CNTN5: variants seen among roughly 807,000 people sequenced by gnomAD.
CNTN5 encodes contactin 5.
In CNTN5, 77 loss-of-function variants were observed where a neutral mutation model predicts 129.1. That is an observed-to-expected ratio of 0.60 (90% CI 0.50 to 0.72). CNTN5 has a LOEUF of 0.72. CNTN5 is among the 30% of genes least tolerant of loss of function. CNTN5 has a pLI of 0.00. For missense variants in CNTN5, 1,478 were observed against 1,328.8 expected (o/e 1.11, Z -1.75); for synonymous variants, 509 against 465.6 (o/e 1.09, Z -1.20).
intron 2 of CNTN5, among the ~76,000 whole-genome samples, chr11:99,513,326 T>C (rs141392810): frequency 6.6e-6 from 1 of 152,194 alleles, no homozygotes; most frequent in African/African-American, 2.4e-5. Flanking sequence ...AAGTGCACGG[T>C]GAAACAGCAA....
intron 1 of CNTN5, among the ~76,000 whole-genome samples, chr11:99,050,642 G>A (rs187473377): frequency 1.3e-5 from 2 of 151,636 alleles, no homozygotes; most frequent in East Asian, 3.9e-4. Flanking sequence ...CTCTTTAATG[G>A]TAACCGAATA....
At position 99,439,648 on chromosome 11, in the gene CNTN5, C is replaced by T. The variant is rs1193304808; in HGVS notation, c.-71+114164C>T. On this transcript the variant is annotated intron_variant, in intron 2 of 24. Coordinates refer to ENST00000524871, the MANE Select transcript of CNTN5 (RefSeq NM_014361.4). ...GCTTGAACCCGGAAGGCGGAGGTTG[C>T]AGTGAGCCAAGATTGCGCCACTGCA... 7.5e-5 allele frequency among the ~76,000 whole-genome samples: 10 copies of T among 133,484 alleles called. 1 individual carries two copies. Among genetic ancestry groups the T allele is most frequent in the Admixed American group, 5.3e-4 (6 of 11,428 alleles). 87.6% of individuals were successfully genotyped at this position (133,484 alleles called of 152,430 possible).
At chr11:99,681,955 C>T (rs947025996) in intron 3 of CNTN5, among the ~76,000 whole-genome samples, 3 of 151,862 alleles carry the variant, frequency 2.0e-5, no homozygotes, top group African/African-American at 7.3e-5. Context: ...AGGAATAACT[C>T]ACAAAGCAAG....
At chr11:99,497,131 A>T (rs745858269) in intron 2 of CNTN5, among the ~76,000 whole-genome samples, 2 of 152,222 alleles carry the variant, frequency 1.3e-5, no homozygotes, top group Non-Finnish European at 2.9e-5. Context: ...AAAGCATTCT[A>T]AAAAAGAAGT....
intron 13 of CNTN5, among the ~76,000 whole-genome samples, chr11:100,100,214 T>C (rs1472588141): frequency 1.3e-5 from 2 of 152,130 alleles, no homozygotes; most frequent in Non-Finnish European, 2.9e-5. Context: ...TGAAGTGCTT[T>C]TGTTTGAGGC....
chr11:99,158,229 C>CCTT (rs1307535418), intron 1 of CNTN5, among the ~76,000 whole-genome samples: 2 of 152,128 alleles, frequency 1.3e-5, no homozygotes, highest in African/African-American at 4.8e-5. Context: ...ACATTCCGCT[C>CCTT]CTGAACTTAC....
At chr11:99,219,824 G>C (rs1860312280) in intron 1 of CNTN5, among the ~76,000 whole-genome samples, 1 of 151,916 alleles carries the variant, frequency 6.6e-6, no homozygotes, top group Non-Finnish European at 1.5e-5. Context: ...ATTACGGCAG[G>C]AATCGAGATG....
chr11:99,797,976 C>T (rs1301841), intron 3 of CNTN5, among the ~76,000 whole-genome samples: 12 of 151,832 alleles, frequency 7.9e-5, no homozygotes, highest in Non-Finnish European at 1.2e-4. Context: ...TTTTATTTTA[C>T]GTTCAAGGAT....
chr11:100,270,784 A>C (rs536400848), intron 17 of CNTN5, among the ~76,000 whole-genome samples: 1 of 152,230 alleles, frequency 6.6e-6, no homozygotes, highest in Non-Finnish European at 1.5e-5. Context: ...TTATAGTTCT[A>C]ATTGGCCCCT....
chr11:99,354,845 A>G (rs1277563904), intron 2 of CNTN5, among the ~76,000 whole-genome samples: 1 of 152,194 alleles, frequency 6.6e-6, no homozygotes, highest in Non-Finnish European at 1.5e-5. Flanking sequence ...GCTGTACATC[A>G]CACAAAGTAA....
intron 9 of CNTN5, among the ~76,000 whole-genome samples, chr11:100,010,653 C>T (rs543969817): frequency 2.6e-5 from 4 of 152,176 alleles, no homozygotes; most frequent in African/African-American, 9.6e-5. Flanking sequence ...GCCCCAGTAC[C>T]ACAAAGCCTA....
At chr11:99,800,200 T>C (rs1329766971) in intron 3 of CNTN5, among the ~76,000 whole-genome samples, 1 of 152,152 alleles carries the variant, frequency 6.6e-6, no homozygotes, top group African/African-American at 2.4e-5. Flanking sequence ...TTTATATTTC[T>C]GCTTTAATTT....
At chr11:99,801,039 G>T (rs1946098338) in intron 3 of CNTN5, among the ~76,000 whole-genome samples, 1 of 152,104 alleles carries the variant, frequency 6.6e-6, no homozygotes, top group African/African-American at 2.4e-5. Context: ...GTACTTAAGT[G>T]TGCTTCTGCA....
chr11:99,315,614 G>T (rs180719308), intron 1 of CNTN5, among the ~76,000 whole-genome samples: 1 of 149,386 alleles, frequency 6.7e-6, no homozygotes, highest in African/African-American at 2.4e-5. Context: ...GTTTTATTTC[G>T]CTTTAGCCAA....
intron 2 of CNTN5, among the ~76,000 whole-genome samples, chr11:99,364,756 A>T (rs1482356408): frequency 6.6e-6 from 1 of 152,062 alleles, no homozygotes; most frequent in Non-Finnish European, 1.5e-5. Flanking sequence ...GCTGGAGGAG[A>T]AATGGAGAAG....
At chr11:99,242,611 GT>G (rs1187237425) in intron 1 of CNTN5, among the ~76,000 whole-genome samples, 1 of 152,046 alleles carries the variant, frequency 6.6e-6, no homozygotes, top group African/African-American at 2.4e-5. Context: ...GTACACGATA[GT>G]TTTTCAGTTC....
At chr11:99,715,390 ACT>A (rs536265879) in intron 3 of CNTN5, among the ~76,000 whole-genome samples, 189 of 151,812 alleles carry the variant, frequency 1.2e-3, no homozygotes, top group Non-Finnish European at 1.8e-3. Context: ...GCCTTCCAGT[ACT>A]CTGAAGATAG....
intron 16 of CNTN5, among the ~76,000 whole-genome samples, chr11:100,234,874 T>G (rs1344940451): frequency 2.0e-5 from 3 of 151,792 alleles, no homozygotes; most frequent in African/African-American, 4.8e-5. Flanking sequence ...CCGATAGACT[T>G]CTTTCTGCAT....
At chr11:99,871,927 A>G (rs760471001) in intron 6 of CNTN5, among the ~76,000 whole-genome samples, 18 of 151,344 alleles carry the variant, frequency 1.2e-4, no homozygotes, top group Non-Finnish European at 2.4e-4. Context: ...ATATTTATAT[A>G]TAAATATAAT....
Sources: allele counts gnomAD v4.1 joint callset (sites outside exome capture counted in the v4.1 genomes callset), GRCh38; gene constraint gnomAD v4.1.1; transcripts MANE v1.5; gene names NCBI Gene and HGNC (gene_info 2026-07-23, HGNC 2026-07-21).